Variants in CACUL1 observed in about 807,000 individuals in gnomAD.
CACUL1 encodes CDK2-associated and cullin domain-containing protein 1.
In CACUL1, 13 loss-of-function variants were observed where a neutral mutation model predicts 45.2. The observed-to-expected ratio is 0.29, with a 90% CI of 0.19 to 0.46. The LOEUF is 0.46. CACUL1 is among the 20% of genes least tolerant of loss of function. CACUL1 has a pLI of 1.00. For missense variants in CACUL1, 421 were observed against 471.4 expected (o/e 0.89, Z 0.99); for synonymous variants, 197 against 174.2 (o/e 1.13, Z -1.03).
intron 3 of CACUL1, among the ~76,000 whole-genome samples, chr10:118,722,705 A>G (rs956958798): frequency 6.6e-6 from 1 of 152,244 alleles, no homozygotes; most frequent in African/African-American, 2.4e-5. Flanking sequence ...TGAAAAGGTG[A>G]AAGTTCTCAA....
At chr10:118,742,627 G>T (rs892406083) in intron 1 of CACUL1, among the ~76,000 whole-genome samples, 2 of 152,020 alleles carry the variant, frequency 1.3e-5, no homozygotes, top group African/African-American at 4.8e-5. Context: ...TGAAAACCCT[G>T]ACCTCACGAA....
chr10:118,686,534 G>C, intron 8 of CACUL1, 64 bp downstream of exon 8: 1 of 1,197,638 alleles, frequency 8.3e-7, no homozygotes, highest in Non-Finnish European at 1.2e-6. Context: ...TGTTATCACA[G>C]TGCATTAATA....
rs1204753966 is a variant in CACUL1 at position 118,754,415 on chromosome 10, G to A, written c.348C>T (p.Asn116=). Residue 116 remains asparagine (N), a synonymous_variant, in exon 1 of 9, where the codon AAC becomes AAT. Coordinates refer to ENST00000369151, the MANE Select transcript of CACUL1 (RefSeq NM_153810.5). ...APTASSTINI[N]TSTSKFLMNV... is the part of the protein sequence containing the mutation. ...ACTCACAGAACTTGGAGGTGGAGGT[G>A]TTGATGTTGATGGTGGAGCTGGCGG... 1.3e-6 allele frequency: 2 copies of A among 1,584,954 alleles called. No individual in the cohort carries two copies. The highest frequency in any genetic ancestry group is 1.7e-6 in the Non-Finnish European group (2 of 1,167,014).
intron 7 of CACUL1, among the ~76,000 whole-genome samples, chr10:118,687,154 C>T (rs1403516250): frequency 6.6e-6 from 1 of 152,132 alleles, no homozygotes; most frequent in African/African-American, 2.4e-5. Context: ...GTCTCCTTTG[C>T]TGGCTCTACC....
At chr10:118,752,731 C>G (rs1257884380) in intron 1 of CACUL1, among the ~76,000 whole-genome samples, 3 of 152,202 alleles carry the variant, frequency 2.0e-5, no homozygotes, top group African/African-American at 4.8e-5. Flanking sequence ...ATCAGCGTAT[C>G]TGGATGCAGA....
chr10:118,693,593 G>T, intron 6 of CACUL1: 2 of 351,076 alleles, frequency 5.7e-6, no homozygotes, highest in South Asian at 2.2e-5. Flanking sequence ...ATTTTGTTAC[G>T]TATGATAAAA....
Position 118,701,361 on chromosome 10 carries a change from G to T in CACUL1, c.741C>A (p.Asp247Glu). The T allele has an allele frequency of 1.3e-6, 2 of 1,579,186 alleles. No homozygotes were observed. Among genetic ancestry groups the T allele is most frequent in the Non-Finnish European group, 1.7e-6 (2 of 1,154,704 alleles). Reference protein sequence around the residue: ...ETKLNRDLKDDLIKLFTEHVA... With the variant: ...ETKLNRDLKDELIKLFTEHVA... Reference sequence around the variant, plus strand: ...CATGTTCCGTAAACAGCTTTATAAGGTCATCTTTTAAGTCTCTGTTAAGCT... The same window carrying T: ...CATGTTCCGTAAACAGCTTTATAAGTTCATCTTTTAAGTCTCTGTTAAGCT... Residue 247 changes from aspartate (D) to glutamate (E), a missense_variant, in exon 5 of 9, where the codon GAC (aspartate) becomes GAA (glutamate). Around this residue, in one of 2 missense-constraint regions of CACUL1, gnomAD observed 208 missense variants for 298.4 expected, o/e 0.70. Transcript: ENST00000369151.
intron 8 of CACUL1, 109 bp downstream of exon 8, chr10:118,686,489 T>G (rs1447023924): frequency 5.6e-6 from 5 of 900,286 alleles, no homozygotes; most frequent in African/African-American, 4.9e-5. Flanking sequence ...CAGTGCCTTA[T>G]GAGAACAACA....
chr10:118,703,247 TG>T (rs11363571), intron 4 of CACUL1, among the ~76,000 whole-genome samples: 18,984 of 152,122 alleles, frequency 0.12, 1,417 homozygotes, highest in Admixed American at 0.26. Context: ...CATTCTACAC[TG>T]GGAAAACTTC....
At chr10:118,695,072 G>T in intron 6 of CACUL1, 69 bp downstream of exon 6, 2 of 961,718 alleles carry the variant, frequency 2.1e-6, no homozygotes, top group Non-Finnish European at 3.4e-6. Flanking sequence ...AACACATACA[G>T]AACCACTGCC....
chr10:118,734,818 C>T (rs1845726196), intron 1 of CACUL1, among the ~76,000 whole-genome samples: 1 of 152,166 alleles, frequency 6.6e-6, no homozygotes, highest in Admixed American at 6.5e-5. Flanking sequence ...AGTAGTTTAA[C>T]TGACCTTTAC....
chr10:118,702,161 C>T (rs959525022), intron 4 of CACUL1, among the ~76,000 whole-genome samples: 6 of 152,170 alleles, frequency 3.9e-5, no homozygotes, highest in African/African-American at 1.4e-4. Flanking sequence ...ACCTTGTGAC[C>T]CCTGCCCACC....
At chr10:118,689,233 C>T (rs1437849408) in intron 7 of CACUL1, among the ~76,000 whole-genome samples, 4 of 152,224 alleles carry the variant, frequency 2.6e-5, no homozygotes, top group African/African-American at 9.7e-5. Context: ...AGAGCAGAGG[C>T]AGGCTCCCCA....
chr10:118,686,364 G>C lies in CACUL1; in HGVS notation c.1070-196C>G, dbSNP rs141178187. Among the ~76,000 whole-genome samples the C allele has an allele frequency of 3.3e-5, 5 of 152,290 alleles. No individual in the cohort carries two copies. The East Asian group carries it at 5.8e-4, about 18-fold the overall frequency. On this transcript the variant is annotated intron_variant, in intron 8 of 8. Coordinates refer to ENST00000369151, the MANE Select transcript of CACUL1 (RefSeq NM_153810.5). ...ACCTAAGGAACTGGGACTGGGCTAC[G>C]ATGTCATCCCAGTAGAAACTAAAGA...
chr10:118,745,382 C>A (rs1052809283), intron 1 of CACUL1, among the ~76,000 whole-genome samples: 1 of 151,898 alleles, frequency 6.6e-6, no homozygotes, highest in South Asian at 2.1e-4. Flanking sequence ...GCCAACACGG[C>A]GAAACCTCAC....
At chr10:118,729,494 C>T in intron 2 of CACUL1, 97 bp from the exon 3 acceptor site, 3 of 790,786 alleles carry the variant, frequency 3.8e-6, no homozygotes, top group South Asian at 1.5e-5. Context: ...AACCACTGAT[C>T]CAATAATTCA....
chr10:118,708,973 T>A (rs567304184), intron 3 of CACUL1, among the ~76,000 whole-genome samples: 1 of 152,256 alleles, frequency 6.6e-6, no homozygotes, highest in South Asian at 2.1e-4. Context: ...CAGTAAAAAA[T>A]CTGTGTATAA....
At chr10:118,720,536 T>C (rs371578497) in intron 3 of CACUL1, among the ~76,000 whole-genome samples, 2 of 152,342 alleles carry the variant, frequency 1.3e-5, no homozygotes, top group East Asian at 1.9e-4. Flanking sequence ...CTGTACACCA[T>C]GCAAATGTAC....
At chr10:118,722,227 G>C (rs1845607990) in intron 3 of CACUL1, among the ~76,000 whole-genome samples, 2 of 151,934 alleles carry the variant, frequency 1.3e-5, no homozygotes, top group African/African-American at 2.4e-5. Flanking sequence ...GGGACTACAG[G>C]CATGTGCCAC....
Sources: gnomAD v4.1 joint callset for allele counts (sites outside exome capture counted in the v4.1 genomes callset) on GRCh38, gnomAD v4.1.1 for gene constraint, gnomAD v4.1.1 regional missense constraint, MANE v1.5 for transcripts, NCBI Gene and HGNC (gene_info 2026-07-23, HGNC 2026-07-21) for gene names.